The following SMIM36 variants were observed in gnomAD, a reference collection of about 807,000 sequenced individuals.
SMIM36 encodes the protein small integral membrane protein 36.
chr17:55,486,888 A>C (rs1050829584), intron 1 of SMIM36, among the ~76,000 whole-genome samples: 35 of 152,326 alleles, frequency 2.3e-4, no homozygotes, highest in African/African-American at 8.2e-4. Flanking sequence ...AAAAGAAGAT[A>C]ATTTGCAACC....
At chr17:55,474,051 T>C (rs1909385078) in intron 3 of SMIM36, among the ~76,000 whole-genome samples, 1 of 152,034 alleles carries the variant, frequency 6.6e-6, no homozygotes, top group African/African-American at 2.4e-5. Context: ...GCTTGCTCAA[T>C]CAATCACGAC....
intron 1 of SMIM36, among the ~76,000 whole-genome samples, chr17:55,500,011 G>T (rs1323723608): frequency 1.3e-5 from 2 of 150,408 alleles, no homozygotes; most frequent in African/African-American, 4.9e-5. Context: ...CTGGGTTGTT[G>T]TTTTTTTTTC....
chr17:55,524,011 T>C, the SMIM36 span, among the ~76,000 whole-genome samples: 52 of 152,236 alleles, frequency 3.4e-4, no homozygotes, highest in Non-Finnish European at 6.3e-4. Flanking sequence ...GTACAGATTA[T>C]TTTGTCACCC....
At chr17:55,488,931 T>C (rs551736738) in intron 1 of SMIM36, among the ~76,000 whole-genome samples, 1 of 151,956 alleles carries the variant, frequency 6.6e-6, no homozygotes, top group East Asian at 1.9e-4. Flanking sequence ...TCATCATCAT[T>C]GCTAATATTT....
the SMIM36 span, among the ~76,000 whole-genome samples, chr17:55,523,531 A>C: frequency 7.7e-6 from 1 of 130,640 alleles, no homozygotes; most frequent in Non-Finnish European, 1.5e-5. Flanking sequence ...CTCCGTCTCA[A>C]AAAAAAAAAA....
chr17:55,522,599 C>G, the SMIM36 span, among the ~76,000 whole-genome samples: 2 of 152,266 alleles, frequency 1.3e-5, no homozygotes, highest in African/African-American at 4.8e-5. Context: ...CAGTATGGGG[C>G]AAACTGCCCC....
chr17:55,499,591 C>A (rs1909872649), intron 1 of SMIM36, among the ~76,000 whole-genome samples: 1 of 152,146 alleles, frequency 6.6e-6, no homozygotes, highest in South Asian at 2.1e-4. Flanking sequence ...CCTTTCCTTG[C>A]CTTGGAAGTG....
chr17:55,450,960 C>T (rs898253700), intron 4 of SMIM36, among the ~76,000 whole-genome samples: 8 of 152,186 alleles, frequency 5.3e-5, no homozygotes, highest in African/African-American at 1.9e-4. Flanking sequence ...GATCATGGCT[C>T]ACTGCAACCT....
intron 4 of SMIM36, among the ~76,000 whole-genome samples, chr17:55,457,806 T>A (rs7211104): frequency 2.0e-5 from 3 of 151,898 alleles, no homozygotes; most frequent in East Asian, 1.9e-4. Flanking sequence ...GATTAAAGGC[T>A]TGAGCTACCG....
intron 2 of SMIM36, among the ~76,000 whole-genome samples, chr17:55,479,056 C>T (rs1160272456): frequency 6.6e-6 from 1 of 152,126 alleles, no homozygotes; most frequent in East Asian, 1.9e-4. Context: ...AATAGGATAG[C>T]GTCACCCACA....
intron 4 of SMIM36, among the ~76,000 whole-genome samples, chr17:55,458,659 G>A (rs1393320745): frequency 1.3e-5 from 2 of 150,214 alleles, no homozygotes; most frequent in African/African-American, 4.9e-5. Context: ...GCAGCTGGTC[G>A]TTGAGAAGAG....
At chr17:55,460,095 A>G (rs918097692) in intron 4 of SMIM36, among the ~76,000 whole-genome samples, 1 of 152,200 alleles carries the variant, frequency 6.6e-6, no homozygotes, top group African/African-American at 2.4e-5. Flanking sequence ...TGCAGTTTTC[A>G]AAGTCCTATA....
At chr17:55,500,651 T>A (rs1004772672) in intron 1 of SMIM36, among the ~76,000 whole-genome samples, 1 of 149,794 alleles carries the variant, frequency 6.7e-6, no homozygotes, top group Non-Finnish European at 1.5e-5. Context: ...TCAATGCATC[T>A]AATATTGAAG....
chr17:55,504,753 CA>C (rs1220986402), intron 1 of SMIM36, among the ~76,000 whole-genome samples: 1 of 95,812 alleles, frequency 1.0e-5, no homozygotes, highest in East Asian at 3.0e-4. Flanking sequence ...AATAGAGACA[CA>C]AAAAACCCTT....
At chr17:55,486,120 C>T (rs941846097) in intron 1 of SMIM36, among the ~76,000 whole-genome samples, 14 of 151,022 alleles carry the variant, frequency 9.3e-5, no homozygotes, top group African/African-American at 3.2e-4. Flanking sequence ...AATGCAACCT[C>T]GCCTCCCGGG....
chr17:55,529,605 A>C, the SMIM36 span, among the ~76,000 whole-genome samples: 3 of 130,098 alleles, frequency 2.3e-5, no homozygotes, highest in African/African-American at 1.3e-4. Context: ...ATCTCTACTA[A>C]AAATACACAC....
At chr17:55,530,989 A>C in the SMIM36 span, among the ~76,000 whole-genome samples, 1 of 152,144 alleles carries the variant, frequency 6.6e-6, no homozygotes, top group African/African-American at 2.4e-5. Context: ...ATAATGATTT[A>C]ATTTCCCTTT....
At chr17:55,455,075 C>A (rs1460860280) in intron 4 of SMIM36, among the ~76,000 whole-genome samples, 4 of 152,184 alleles carry the variant, frequency 2.6e-5, no homozygotes, top group African/African-American at 9.7e-5. Flanking sequence ...AAGCTATGCC[C>A]TTTTCAAAGC....
chr17:55,485,708 A>G (rs950828257), intron 1 of SMIM36, among the ~76,000 whole-genome samples: 36 of 152,336 alleles, frequency 2.4e-4, no homozygotes, highest in African/African-American at 8.2e-4. Flanking sequence ...GTGCTTGCTA[A>G]TGAAGTTCTA....
Sources: gnomAD v4.1 joint callset for allele counts (sites outside exome capture counted in the v4.1 genomes callset) on GRCh38, gnomAD v4.1.1 for gene constraint, MANE v1.5 for transcripts, NCBI Gene and HGNC (gene_info 2026-07-23, HGNC 2026-07-21) for gene names.